APC: variants seen among roughly 807,000 people sequenced by gnomAD.
APC encodes APC regulator of Wnt signaling pathway.
APC carries 72 observed loss-of-function variants against 247.0 expected under a neutral mutation model. The observed-to-expected ratio is 0.29, with a 90% CI of 0.24 to 0.35. The LOEUF (loss-of-function observed/expected upper bound fraction) is 0.35. APC is among the 10% of genes least tolerant of loss of function. The pLI is 1.00. For missense variants in APC, 3,400 were observed against 3,360.7 expected (o/e 1.01, Z -0.29); for synonymous variants, 1,254 against 1,162.5 (o/e 1.08, Z -1.60).
intron 1 of APC, among the ~76,000 whole-genome samples, chr5:112,752,030 T>C (rs911573396): frequency 2.0e-5 from 3 of 152,092 alleles, no homozygotes; most frequent in Non-Finnish European, 4.4e-5. Flanking sequence ...AATTTTCTAA[T>C]AGTGACTTTT....
At chr5:112,756,584 A>T (rs1021149366) in intron 2 of APC, among the ~76,000 whole-genome samples, 1 of 152,218 alleles carries the variant, frequency 6.6e-6, no homozygotes, top group Non-Finnish European at 1.5e-5. Flanking sequence ...TCCTCCTGGC[A>T]GGCCTGTTTA....
rs1248809012 is a variant in APC at position 112,707,838 on chromosome 5, C to T, written c.121C>T (p.Pro41Ser). 2.2e-6 allele frequency: 3 copies of T among 1,370,420 alleles called. No individual in the cohort carries two copies. Among genetic ancestry groups the T allele is most frequent in the African/African-American group, 1.4e-5 (1 of 69,856 alleles). The allele number at this position is 1,370,420 out of a possible 1,614,324, so 84.9% of individuals were successfully genotyped here. Residue 41 changes from proline (P) to serine (S), a missense_variant, in exon 1 of 14, where the codon CCG (proline) becomes TCG (serine). Physicochemically the swap from Pro to Ser is moderately conservative, Grantham distance 74 (BLOSUM62 -1). Transcript: ENST00000507379. ...CTGCGTCCGGCAGGAGACGAAGAGC[C>T]CGGGCGGCGCTCGTACTTCTGGCCA...
Position 112,839,450 on chromosome 5 carries a change from G to A in APC, c.3856G>A (p.Glu1286Lys). ...ATCATCTTTGTCATCAGCTGAAGAT[G>A]AAATAGGATGTAATCAGACGACACA... ...SLSSLSSAED[E>K]IGCNQTTQEA... The change falls in exon 16 of 16, where the codon GAA becomes AAA. Residue 1286 changes from glutamate (E) to lysine (K), a missense_variant. Glu to Lys is a moderately conservative substitution (Grantham distance 56, BLOSUM62 1). This residue lies in a region of APC where 715 missense variants were observed against 656.6 expected (regional missense o/e 1.09). Transcript: ENST00000257430. This position sits in a 1 kb window ranked among gnomAD's most constrained non-coding sequence, Gnocchi z 5.0. The A allele has an allele frequency of 6.2e-7, 1 of 1,614,168 alleles. No individual in the cohort carries two copies. The highest frequency in any genetic ancestry group is 8.5e-7 in the Non-Finnish European group (1 of 1,179,998).
chr5:112,833,558 A>T (rs1251605769), intron 14 of APC, among the ~76,000 whole-genome samples: 1 of 152,114 alleles, frequency 6.6e-6, no homozygotes, highest in Non-Finnish European at 1.5e-5. Context: ...TCCTAGGCTT[A>T]AGTGATCCAC....
At chr5:112,825,466 C>A (rs998795884) in intron 11 of APC, among the ~76,000 whole-genome samples, 6 of 152,164 alleles carry the variant, frequency 3.9e-5, no homozygotes, top group Non-Finnish European at 7.3e-5. Context: ...CCTCTCCTTG[C>A]TGTTAAATAT....
intron 1 of APC, among the ~76,000 whole-genome samples, chr5:112,712,257 G>GC: frequency 6.6e-6 from 1 of 151,986 alleles, no homozygotes; most frequent in Non-Finnish European, 1.5e-5. Flanking sequence ...TCTTGGTTCT[G>GC]TAACTCCCTA....
At chr5:112,793,577 G>A (rs1055737914) in intron 7 of APC, among the ~76,000 whole-genome samples, 1 of 151,972 alleles carries the variant, frequency 6.6e-6, no homozygotes, top group African/African-American at 2.4e-5. Flanking sequence ...CATTCTTCAG[G>A]CATAGAGCTT....
chr5:112,845,055 T>TA lies in APC; in HGVS notation c.*933dup, dbSNP rs1448945092. On this transcript the variant is annotated 3_prime_UTR_variant, in exon 16 of 16. Transcript: ENST00000257430. The stretch of plus-strand genomic sequence containing the variant: ...TAATAATTGTTTAAAATGCCTCTTT[T>TA]AAAAGCTTATATAAATTTTTTTCTT... 4.3e-6 allele frequency: 1 copy of TA among 232,266 alleles called. No individual in the cohort carries two copies. The highest frequency in any genetic ancestry group is 8.5e-6 in the Non-Finnish European group (1 of 117,284). The allele number at this position is 232,266 out of a possible 1,614,324, so 14.4% of individuals were successfully genotyped here.
intron 6 of APC, among the ~76,000 whole-genome samples, chr5:112,791,430 C>T (rs549076161): frequency 2.0e-5 from 3 of 152,166 alleles, no homozygotes; most frequent in Non-Finnish European, 2.9e-5. Flanking sequence ...CCCCAGGCCA[C>T]GAGCAAGCAT....
In APC at chr5:112,832,500, AAGT is replaced by A. The variant is rs1764403805; in HGVS notation, c.1744-2448_1744-2446del. ...ACTTAATTTCTTGATGAAGAGAGTA[AAGT>A]AGCTATTTATTGGGTTAGACCCAAA... On this transcript the variant is annotated intron_variant, in intron 14 of 15. Coordinates refer to ENST00000257430, the MANE Select transcript of APC (RefSeq NM_000038.6). 3.9e-5 allele frequency among the ~76,000 whole-genome samples: 6 copies of A among 152,340 alleles called. No individual in the cohort carries two copies. The South Asian group carries it at 1.2e-3, about 32-fold the overall frequency.
chr5:112,729,197 C>G (rs891264606), intron 1 of APC, among the ~76,000 whole-genome samples: 2 of 152,118 alleles, frequency 1.3e-5, no homozygotes, highest in Non-Finnish European at 2.9e-5. Flanking sequence ...GTTATAGATG[C>G]GAGGGAAAGA....
At chr5:112,770,458 C>G in intron 4 of APC, among the ~76,000 whole-genome samples, 1 of 151,978 alleles carries the variant, frequency 6.6e-6, no homozygotes, top group Non-Finnish European at 1.5e-5. Context: ...GTAGAAAAGA[C>G]GTCTTGTTTT....
At chr5:112,736,450 A>G (rs1752388359), upstream of APC, among the ~76,000 whole-genome samples, 1 of 152,214 alleles carries the variant, frequency 6.6e-6, no homozygotes, top group Admixed American at 6.5e-5. Flanking sequence ...ATAGCTCCAT[A>G]ATCTCACTTT....
intron 6 of APC, among the ~76,000 whole-genome samples, chr5:112,791,543 T>C (rs1270037537): frequency 1.3e-5 from 2 of 152,166 alleles, no homozygotes; most frequent in Non-Finnish European, 2.9e-5. Flanking sequence ...GGGCTCCTTA[T>C]GAGAATCTTA....
intron 1 of APC, among the ~76,000 whole-genome samples, chr5:112,723,286 G>T (rs1751584374): frequency 1.3e-5 from 2 of 152,054 alleles, no homozygotes. Flanking sequence ...ACATGGAGAG[G>T]CCCTGCCTCT....
chr5:112,805,155 T>G (rs1344450006), intron 8 of APC, among the ~76,000 whole-genome samples: 3 of 152,156 alleles, frequency 2.0e-5, no homozygotes, highest in Non-Finnish European at 4.4e-5. Flanking sequence ...TGGGTTTTAC[T>G]TATTCTTTTG....
rs773125634 is a variant in APC, at chr5:112,840,956, C to A, written c.5362C>A (p.Arg1788Ser). 1.2e-6 allele frequency: 2 copies of A among 1,612,912 alleles called. No homozygotes were observed. The highest frequency in any genetic ancestry group is 1.7e-6 in the Non-Finnish European group (2 of 1,179,426). The change falls in exon 16 of 16, where the codon CGT (arginine) becomes AGT (serine). Residue 1788 changes from arginine (R) to serine (S), a missense_variant. This residue lies in a region of APC where 1,788 missense variants were observed against 1,649.5 expected (regional missense o/e 1.08). Coordinates refer to ENST00000257430, the MANE Select transcript of APC (RefSeq NM_000038.6). This position sits in a 1 kb window ranked among gnomAD's most constrained non-coding sequence, Gnocchi z 4.1. ...PIPQNTEYRTRVRKNADSKNN... is the reference protein window; with the variant it reads ...PIPQNTEYRTSVRKNADSKNN... Reference sequence around the variant, plus strand: ...ACCACAAAATACTGAATATAGGACACGTGTAAGAAAAAATGCAGACTCAAA... The same window carrying A: ...ACCACAAAATACTGAATATAGGACAAGTGTAAGAAAAAATGCAGACTCAAA...
chr5:112,775,167 T>C lies in APC; in HGVS notation c.423-462T>C, dbSNP rs192351901. 8.7e-4 allele frequency among the ~76,000 whole-genome samples: 132 copies of C among 152,346 alleles called. 1 individual carries two copies. Among genetic ancestry groups the C allele is most frequent in the Non-Finnish European group, 1.6e-3 (112 of 68,024 alleles). Reference sequence around the variant, plus strand: ...TTTCAAAATGACAGTATATTTCTTATTATTTTGGCTGCTGTGAAGCTGAAA... The same window carrying C: ...TTTCAAAATGACAGTATATTTCTTACTATTTTGGCTGCTGTGAAGCTGAAA... On this transcript the variant is annotated intron_variant, in intron 4 of 15. Transcript: ENST00000257430.
chr5:112,782,082 C>T (rs534491979), intron 6 of APC, among the ~76,000 whole-genome samples: 1 of 152,208 alleles, frequency 6.6e-6, no homozygotes, highest in Admixed American at 6.5e-5. Flanking sequence ...GGGCAGTTTA[C>T]AAAAGAAAGA....
Sources: gnomAD v4.1 joint callset for allele counts (sites outside exome capture counted in the v4.1 genomes callset) on GRCh38, gnomAD v4.1.1 for gene constraint, gnomAD v4.1.1 regional missense constraint, Gnocchi (gnomAD v3.1) non-coding constraint, MANE v1.5 for transcripts, NCBI Gene and HGNC (gene_info 2026-07-23, HGNC 2026-07-21) for gene names.